Variants in SCFD2 observed in about 807,000 individuals in gnomAD.
SCFD2 encodes the protein sec1 family domain containing 2.
SCFD2 carries 54 observed loss-of-function variants against 58.9 expected under a neutral mutation model. The observed-to-expected ratio is 0.92, with a 90% CI of 0.74 to 1.15. The LOEUF is 1.15. SCFD2 is among the 50% of genes most tolerant of loss of function. The probability of loss-of-function intolerance (pLI) is 0.00; values close to 1 mark genes in which losing one functional copy is unlikely to be tolerated. For missense variants in SCFD2, 805 were observed against 836.6 expected, an observed-to-expected ratio of 0.96 and a Z score of 0.47; for synonymous variants, 321 against 335.9, an observed-to-expected ratio of 0.96 and a Z score of 0.49.
chr4:53,286,006 G>A (rs1319952256), intron 3 of SCFD2, among the ~76,000 whole-genome samples: 1 of 152,158 alleles, frequency 6.6e-6, no homozygotes, highest in Non-Finnish European at 1.5e-5. Context: ...GCCTCTGCTA[G>A]AGTGTACCCT....
chr4:53,271,309 ACACACG>A (rs914743524), intron 4 of SCFD2, among the ~76,000 whole-genome samples: 4 of 150,422 alleles, frequency 2.7e-5, no homozygotes, highest in Non-Finnish European at 5.9e-5. Context: ...TACAACACAC[ACACACG>A]CACACACACA....
intron 5 of SCFD2, among the ~76,000 whole-genome samples, chr4:53,047,375 G>A (rs1417433913): frequency 3.9e-5 from 6 of 152,196 alleles, no homozygotes; most frequent in African/African-American, 1.2e-4. Context: ...TTGAGTGCAT[G>A]AGGTCGAGGT....
chr4:53,077,347 G>T (rs1325806759), intron 5 of SCFD2, among the ~76,000 whole-genome samples: 2 of 152,130 alleles, frequency 1.3e-5, no homozygotes, highest in Non-Finnish European at 2.9e-5. Context: ...GGAAATTCCA[G>T]TAATATTTAT....
At chr4:53,162,873 A>AAAAT (rs1413146811) in intron 4 of SCFD2, among the ~76,000 whole-genome samples, 3 of 151,578 alleles carry the variant, frequency 2.0e-5, no homozygotes, top group African/African-American at 4.8e-5. Context: ...AATAAAATAA[A>AAAAT]AAATAAATAA....
chr4:52,946,927 G>T (rs992192303), intron 5 of SCFD2, among the ~76,000 whole-genome samples: 8 of 152,110 alleles, frequency 5.3e-5, no homozygotes, highest in African/African-American at 1.9e-4. Context: ...CAGGCTCGAT[G>T]GCACTGTCCT....
intron 5 of SCFD2, among the ~76,000 whole-genome samples, chr4:53,138,694 T>G (rs1205061731): frequency 6.6e-6 from 1 of 152,008 alleles, no homozygotes; most frequent in Non-Finnish European, 1.5e-5. Flanking sequence ...AGAATAAAAG[T>G]AAAAGAGTAT....
At chr4:53,154,399 A>G (rs1320384417) in intron 4 of SCFD2, among the ~76,000 whole-genome samples, 1 of 152,150 alleles carries the variant, frequency 6.6e-6, no homozygotes, top group East Asian at 1.9e-4. Flanking sequence ...ACTCTTTTAA[A>G]CAACCAGATC....
intron 4 of SCFD2, among the ~76,000 whole-genome samples, chr4:53,213,325 T>C (rs1728684573): frequency 6.6e-6 from 1 of 152,090 alleles, no homozygotes; most frequent in Non-Finnish European, 1.5e-5. Context: ...TGGAGATGCA[T>C]AGTGCCAAAA....
At chr4:53,218,449 G>A (rs1031574058) in intron 4 of SCFD2, among the ~76,000 whole-genome samples, 2 of 152,144 alleles carry the variant, frequency 1.3e-5, no homozygotes, top group Non-Finnish European at 2.9e-5. Context: ...ACTGAAGCTT[G>A]TGCATTCGTC....
At chr4:53,360,946 A>G (rs1734532892) in intron 1 of SCFD2, among the ~76,000 whole-genome samples, 1 of 152,114 alleles carries the variant, frequency 6.6e-6, no homozygotes, top group African/African-American at 2.4e-5. Context: ...GTTGCCTTGA[A>G]TCTACCCAGA....
intron 5 of SCFD2, among the ~76,000 whole-genome samples, chr4:52,938,848 C>A (rs1035206402): frequency 6.6e-6 from 1 of 152,138 alleles, no homozygotes; most frequent in African/African-American, 2.4e-5. Flanking sequence ...CATCGGTGTT[C>A]AGCAATATAC....
chr4:53,259,459 C>T (rs749107681), intron 4 of SCFD2, among the ~76,000 whole-genome samples: 3 of 152,150 alleles, frequency 2.0e-5, no homozygotes, highest in African/African-American at 4.8e-5. Flanking sequence ...ATCCCAGCAC[C>T]ATTTGTTGAA....
chr4:53,284,614 AAC>A (rs1297204895), intron 3 of SCFD2, among the ~76,000 whole-genome samples: 2 of 152,208 alleles, frequency 1.3e-5, no homozygotes, highest in Admixed American at 6.5e-5. Context: ...CAATGCGTTC[AAC>A]AGATAAATAA....
At chr4:53,276,159 CTT>C (rs1326879276) in intron 3 of SCFD2, among the ~76,000 whole-genome samples, 2 of 151,490 alleles carry the variant, frequency 1.3e-5, no homozygotes, top group African/African-American at 4.9e-5. Context: ...TTTTATCACT[CTT>C]ATCAAACATA....
At chr4:52,901,692 G>A (rs1240091776) in intron 7 of SCFD2, among the ~76,000 whole-genome samples, 2 of 152,222 alleles carry the variant, frequency 1.3e-5, no homozygotes, top group African/African-American at 2.4e-5. Flanking sequence ...AATGATTTGG[G>A]ATGACTTGTT....
intron 5 of SCFD2, among the ~76,000 whole-genome samples, chr4:52,947,851 CT>C (rs1720476249): frequency 2.0e-5 from 3 of 149,924 alleles, no homozygotes; most frequent in Admixed American, 6.7e-5. Flanking sequence ...AAAGCTAAGC[CT>C]TAAGCTAGTA....
intron 3 of SCFD2, among the ~76,000 whole-genome samples, chr4:53,301,713 G>A (rs1364359414): frequency 6.6e-6 from 1 of 152,116 alleles, no homozygotes; most frequent in Non-Finnish European, 1.5e-5. Context: ...TAAAATACTG[G>A]TAAACTGAAT....
chr4:53,033,863 T>C (rs6831939), intron 5 of SCFD2, among the ~76,000 whole-genome samples: 32,852 of 152,048 alleles, frequency 0.22, 5,962 homozygotes, highest in African/African-American at 0.5. Flanking sequence ...GACAGATTCA[T>C]AGCCGAATCC....
At chr4:52,883,484 C>G (rs1264597120) in intron 8 of SCFD2, among the ~76,000 whole-genome samples, 1 of 152,200 alleles carries the variant, frequency 6.6e-6, no homozygotes, top group Non-Finnish European at 1.5e-5. Flanking sequence ...GCTCAAAATT[C>G]TTTGAGAAGC....
Sources: gnomAD v4.1 joint callset for allele counts (sites outside exome capture counted in the v4.1 genomes callset) on GRCh38, gnomAD v4.1.1 for gene constraint, MANE v1.5 for transcripts, NCBI Gene and HGNC (gene_info 2026-07-23, HGNC 2026-07-21) for gene names.